The following AGAP1 variants were observed in gnomAD, a reference collection of about 807,000 sequenced individuals.
The protein encoded by AGAP1 is ArfGAP with GTPase domain, ankyrin repeat and PH domain 1.
AGAP1 carries 29 observed loss-of-function variants against 105.3 expected under a neutral mutation model. That is an observed-to-expected ratio of 0.28 (90% CI 0.21 to 0.38). The LOEUF (loss-of-function observed/expected upper bound fraction) is 0.38, where lower values mean the gene tolerates loss of function less well. Ranked by LOEUF, AGAP1 falls within the 10% of genes least tolerant of loss-of-function variation. AGAP1 has a pLI of 1.00. For synonymous variants in AGAP1, 509 were observed against 485.9 expected (o/e 1.05, Z -0.63); for missense variants, 998 against 1,165.1 (o/e 0.86, Z 2.09).
chr2:235,736,892 G>A lies in AGAP1; in HGVS notation c.311-4071G>A, dbSNP rs895615692. On this transcript the variant is annotated intron_variant, in intron 3 of 17. Coordinates refer to ENST00000304032, the MANE Select transcript of AGAP1 (RefSeq NM_001037131.3). The surrounding 1 kb of genome is among the most constrained non-coding windows in gnomAD (Gnocchi z 5.5). ...CAACAATGAAAAATCTAATGACTGG[G>A]ATGAGATCTGATGAAATGGTAGGTT... is the stretch of plus-strand genomic sequence containing the variant. Among the ~76,000 whole-genome samples the A allele has an allele frequency of 6.6e-6, 1 of 152,318 alleles. No individual in the cohort carries two copies. The highest frequency in any genetic ancestry group is 2.4e-5 in the African/African-American group (1 of 41,572).
chr2:235,646,821 A>T (rs2149315902), intron 1 of AGAP1, among the ~76,000 whole-genome samples: 1 of 152,312 alleles, frequency 6.6e-6, no homozygotes, highest in East Asian at 1.9e-4. Flanking sequence ...GGCTCCAAGC[A>T]AGCTTGTCCA....
Position 235,905,490 on chromosome 2 carries a change from CTTTCTTTTCTCT to C in AGAP1, c.1156-3237_1156-3226del, listed in dbSNP as rs373246928. 2.6e-4 allele frequency among the ~76,000 whole-genome samples: 39 copies of C among 152,164 alleles called. 1 individual carries two copies. Among genetic ancestry groups the C allele is most frequent in the African/African-American group, 8.9e-4 (37 of 41,518 alleles). On this transcript the variant is annotated intron_variant, in intron 10 of 17. Coordinates refer to ENST00000304032, the MANE Select transcript of AGAP1 (RefSeq NM_001037131.3). This position sits in a 1 kb window ranked among gnomAD's most constrained non-coding sequence, Gnocchi z 4.2. The stretch of plus-strand genomic sequence containing the variant: ...CTCACCACTCTACGGTGTGCTTTTC[CTTTCTTTTCTCT>C]TTTCTTTTCTTTTTGAGACAGAGTT...
intron 10 of AGAP1, among the ~76,000 whole-genome samples, chr2:235,896,316 A>G (rs2050804900): frequency 6.6e-6 from 1 of 152,200 alleles, no homozygotes; most frequent in African/African-American, 2.4e-5. Flanking sequence ...ATTCCGTCAT[A>G]TGTACACACC....
At chr2:235,638,708 T>G (rs1309792147) in intron 1 of AGAP1, among the ~76,000 whole-genome samples, 2 of 152,180 alleles carry the variant, frequency 1.3e-5, no homozygotes, top group Non-Finnish European at 2.9e-5. Flanking sequence ...CGTGGTGTCC[T>G]GGAGTCACAT....
chr2:235,912,977 C>T (rs1410499767), intron 11 of AGAP1, among the ~76,000 whole-genome samples: 1 of 152,090 alleles, frequency 6.6e-6, no homozygotes, highest in Non-Finnish European at 1.5e-5. Flanking sequence ...GCACTAGGTT[C>T]TTTTTCTTAT....
chr2:235,495,454 A>G (rs991093434), intron 1 of AGAP1, among the ~76,000 whole-genome samples: 1 of 152,226 alleles, frequency 6.6e-6, no homozygotes, highest in African/African-American at 2.4e-5. Context: ...ACCAACCAAA[A>G]GTCCGGGGTT....
In AGAP1 at chr2:235,514,896, T is replaced by G. The variant is rs145136315; in HGVS notation, c.163+20047T>G. Among the ~76,000 whole-genome samples the G allele has an allele frequency of 5.9e-5, 9 of 152,268 alleles. No homozygotes were observed. The East Asian group carries it at 1.7e-3, about 29-fold the overall frequency. On this transcript the variant is annotated intron_variant, in intron 1 of 17. Coordinates refer to ENST00000304032, the MANE Select transcript of AGAP1 (RefSeq NM_001037131.3). ...ACAAGGAACATACCTGGTGTTTAGA[T>G]CAGATGTTCAATGACTCATGTCCCA...
At position 236,027,948 on chromosome 2, in the gene AGAP1, G is replaced by A. The variant is rs1443233886; in HGVS notation, c.1646-8613G>A. On this transcript the variant is annotated intron_variant, in intron 13 of 17. Transcript: ENST00000304032. This position sits in a 1 kb window ranked among gnomAD's most constrained non-coding sequence, Gnocchi z 4.4. ...ACACTATCACAGAGCTGTTGGTCCC[G>A]GGGATTGCGATTCGTGTCTTTATTT... Among the ~76,000 whole-genome samples, 8 of 152,120 alleles carry A rather than the reference G, an allele frequency of 5.3e-5. No homozygotes were observed. In the East Asian group the frequency reaches 9.6e-4, roughly 18 times the overall value.
At position 236,062,726 on chromosome 2, in the gene AGAP1, A is replaced by G. The variant is rs573924696; in HGVS notation, c.2114+13445A>G. ...ACCCAGGCTGGAGTGCAGTGGAGCA[A>G]TCTTGGCTCACTGCAACCTCCACCT... On this transcript the variant is annotated intron_variant, in intron 16 of 17. Coordinates refer to ENST00000304032, the MANE Select transcript of AGAP1 (RefSeq NM_001037131.3). This position sits in a 1 kb window ranked among gnomAD's most constrained non-coding sequence, Gnocchi z 4.2. Among the ~76,000 whole-genome samples, 2 of 152,252 alleles carry G rather than the reference A, an allele frequency of 1.3e-5. No homozygotes were observed. The highest frequency in any genetic ancestry group is 1.9e-4 in the East Asian group (1 of 5,174).
chr2:235,553,926 C>T lies in AGAP1; in HGVS notation c.163+59077C>T, dbSNP rs191657353. Among the ~76,000 whole-genome samples, 42 of 152,346 alleles carry T rather than the reference C, an allele frequency of 2.8e-4. No individual in the cohort carries two copies. Among genetic ancestry groups the T allele is most frequent in the African/African-American group, 9.6e-4 (40 of 41,586 alleles). ...CCTCCCACCCCACCCCGTGGTGCGG[C>T]GTGTGCCAAGACCAGCCCTCTGAGG... is the stretch of plus-strand genomic sequence containing the variant. On this transcript the variant is annotated intron_variant, in intron 1 of 17. Coordinates refer to ENST00000304032, the MANE Select transcript of AGAP1 (RefSeq NM_001037131.3). This position sits in a 1 kb window ranked among gnomAD's most constrained non-coding sequence, Gnocchi z 4.5.
chr2:235,884,696 C>T (rs915962855), intron 10 of AGAP1, among the ~76,000 whole-genome samples: 5 of 152,022 alleles, frequency 3.3e-5, no homozygotes, highest in African/African-American at 7.2e-5. Context: ...TCAAGAAATC[C>T]GCCTGCCTCG....
rs960259915 is a variant in AGAP1 at position 235,916,816 on chromosome 2, G to A, written c.1324+7910G>A. 1.4e-4 allele frequency among the ~76,000 whole-genome samples: 22 copies of A among 152,310 alleles called. No homozygotes were observed. The East Asian group carries it at 3.9e-3, about 27-fold the overall frequency. On this transcript the variant is annotated intron_variant, in intron 11 of 17. Coordinates refer to ENST00000304032, the MANE Select transcript of AGAP1 (RefSeq NM_001037131.3). ...GAATTAATTTTTCAAATACAATAAAGCATTGACATAGCCTTTGAGTGGACA... is the reference window on the plus strand; with the variant it reads ...GAATTAATTTTTCAAATACAATAAAACATTGACATAGCCTTTGAGTGGACA...
chr2:235,783,700 A>G (rs1013153317), intron 6 of AGAP1, among the ~76,000 whole-genome samples: 17 of 151,810 alleles, frequency 1.1e-4, no homozygotes, highest in African/African-American at 4.1e-4. Flanking sequence ...AAATCGGAAG[A>G]ATGGTTGCCA....
chr2:235,911,576 G>T (rs1479786077), intron 11 of AGAP1, among the ~76,000 whole-genome samples: 1 of 152,248 alleles, frequency 6.6e-6, no homozygotes, highest in African/African-American at 2.4e-5. Context: ...AAACACTAAT[G>T]TGTGATTTTA....
intron 1 of AGAP1, among the ~76,000 whole-genome samples, chr2:235,644,164 G>A (rs889782061): frequency 1.3e-5 from 2 of 152,304 alleles, no homozygotes; most frequent in East Asian, 1.9e-4. Flanking sequence ...AGCTGCTTCC[G>A]CTGCAGGTGG....
chr2:235,835,452 C>CT, intron 9 of AGAP1, among the ~76,000 whole-genome samples: 1 of 152,338 alleles, frequency 6.6e-6, no homozygotes, highest in East Asian at 1.9e-4. Flanking sequence ...GTTTTGTAAA[C>CT]TTGTCATCTT....
rs549545840 is a variant in AGAP1, at chr2:235,904,450, G to A, written c.1156-4288G>A. Reference sequence around the variant, plus strand: ...TGAGGGGCAGGAGATGGCACCTCTGGGGGGCCTGGCTCTTGAGTGGGCCCC... The same window carrying A: ...TGAGGGGCAGGAGATGGCACCTCTGAGGGGCCTGGCTCTTGAGTGGGCCCC... On this transcript the variant is annotated intron_variant, in intron 10 of 17. Coordinates refer to ENST00000304032, the MANE Select transcript of AGAP1 (RefSeq NM_001037131.3). This position sits in a 1 kb window ranked among gnomAD's most constrained non-coding sequence, Gnocchi z 4.2. Among the ~76,000 whole-genome samples, 3 of 152,256 alleles carry A rather than the reference G, an allele frequency of 2.0e-5. No individual in the cohort carries two copies. Among genetic ancestry groups the A allele is most frequent in the South Asian group, 4.2e-4 (2 of 4,818 alleles).
Position 235,872,553 on chromosome 2 carries a change from C to T in AGAP1, c.1051-10792C>T, listed in dbSNP as rs935348648. Among the ~76,000 whole-genome samples the T allele has an allele frequency of 6.6e-6, 1 of 152,186 alleles. No homozygotes were observed. Among genetic ancestry groups the T allele is most frequent in the African/African-American group, 2.4e-5 (1 of 41,428 alleles). On this transcript the variant is annotated intron_variant, in intron 9 of 17. Coordinates refer to ENST00000304032, the MANE Select transcript of AGAP1 (RefSeq NM_001037131.3). The surrounding 1 kb of genome is among the most constrained non-coding windows in gnomAD (Gnocchi z 4.5). ...AGCATCTCAGGCAGAGCCTTCCGGC[C>T]TCTGTCATCTTCTGGCCAGTAGGAT...
At chr2:235,676,161 A>G (rs569154158) in intron 1 of AGAP1, among the ~76,000 whole-genome samples, 1 of 152,304 alleles carries the variant, frequency 6.6e-6, no homozygotes, top group South Asian at 2.1e-4. Context: ...ATACTGGAGG[A>G]GATGGAAAAG....
Sources: gnomAD v4.1 joint callset for allele counts (sites outside exome capture counted in the v4.1 genomes callset) on GRCh38, gnomAD v4.1.1 for gene constraint, Gnocchi (gnomAD v3.1) non-coding constraint, MANE v1.5 for transcripts, NCBI Gene and HGNC (gene_info 2026-07-23, HGNC 2026-07-21) for gene names.